EIF4G3: variants seen among roughly 807,000 people sequenced by gnomAD.
EIF4G3 encodes eukaryotic translation initiation factor 4 gamma 3.
Under a neutral mutation model 186.4 loss-of-function variants are expected in EIF4G3, and 34 were observed. The observed-to-expected ratio is 0.18, with a 90% CI of 0.14 to 0.24. The LOEUF (loss-of-function observed/expected upper bound fraction) is 0.24, where lower values mean the gene tolerates loss of function less well. Among genes scored for constraint, EIF4G3 ranks in the 10% least tolerant of loss-of-function variants. The pLI, the probability that EIF4G3 is intolerant of heterozygous loss-of-function variation, is 1.00. For missense variants in EIF4G3, 1,536 were observed against 1,948.5 expected (o/e 0.79, Z 3.99); for synonymous variants, 673 against 679.5 (o/e 0.99, Z 0.15).
intron 14 of EIF4G3, among the ~76,000 whole-genome samples, chr1:20,923,815 A>G (rs1273681077): frequency 6.7e-6 from 1 of 148,216 alleles, no homozygotes; most frequent in South Asian, 2.1e-4. Flanking sequence ...ATCCCTATAT[A>G]TATATATATA....
At chr1:20,962,926 T>G (rs74659896) in intron 12 of EIF4G3, among the ~76,000 whole-genome samples, 4,924 of 150,988 alleles carry the variant, frequency 0.033, 279 homozygotes, top group African/African-American at 0.11. Flanking sequence ...TTTGTTTTTT[T>G]TTTTTTTGAG....
At chr1:21,062,598 C>T (rs1026689367) in intron 3 of EIF4G3, among the ~76,000 whole-genome samples, 1 of 151,946 alleles carries the variant, frequency 6.6e-6, no homozygotes, top group East Asian at 1.9e-4. Flanking sequence ...TATAGATATA[C>T]CTATTTTTTT....
chr1:21,117,117 G>A lies in EIF4G3; in HGVS notation c.-271-27904C>T, dbSNP rs1026699903. On this transcript the variant is annotated intron_variant, in intron 2 of 36. Coordinates refer to ENST00000602326, the MANE Select transcript of EIF4G3 (RefSeq NM_001391906.1). The stretch of plus-strand genomic sequence containing the variant: ...AATGGTTAACTTCTATACAAGAAAG[G>A]TGAAGGACAAAGACAATACTAACAA... 2.6e-5 allele frequency among the ~76,000 whole-genome samples: 4 copies of A among 152,014 alleles called. No individual in the cohort carries two copies. In the South Asian group the frequency reaches 8.3e-4, roughly 32 times the overall value.
intron 3 of EIF4G3, among the ~76,000 whole-genome samples, chr1:21,084,257 A>T (rs1457383900): frequency 6.6e-6 from 1 of 151,996 alleles, no homozygotes; most frequent in Non-Finnish European, 1.5e-5. Context: ...AGAAAGAAAA[A>T]AAAGAGGTTT....
At chr1:20,951,085 T>C (rs1487083424) in intron 12 of EIF4G3, among the ~76,000 whole-genome samples, 1 of 151,816 alleles carries the variant, frequency 6.6e-6, no homozygotes, top group Non-Finnish European at 1.5e-5. Flanking sequence ...TTTTTTTTTC[T>C]GGGGAGTAGG....
Position 20,813,210 on chromosome 1 carries a change from T to C in EIF4G3, c.4545A>G (p.Ser1515=), listed in dbSNP as rs768352107. ...EANLDEIQMS[S]PTFLRALMTA... is the part of the protein sequence containing the mutation. Reference sequence around the variant, plus strand: ...TCATTAAAGCTCTAAGGAATGTAGGTGAACTCATCTGGATTTCGTCTAGAT... The same window carrying C: ...TCATTAAAGCTCTAAGGAATGTAGGCGAACTCATCTGGATTTCGTCTAGAT... The change falls in exon 35 of 37, where the codon TCA becomes TCG. Residue 1515 remains serine (S), a synonymous_variant. Transcript: ENST00000602326. 6.8e-6 allele frequency: 11 copies of C among 1,613,678 alleles called. No homozygotes were observed. The East Asian group carries it at 1.6e-4, about 23-fold the overall frequency.
intron 7 of EIF4G3, among the ~76,000 whole-genome samples, chr1:20,989,984 C>T (rs1362519226): frequency 6.6e-5 from 10 of 152,100 alleles, no homozygotes; most frequent in Admixed American, 6.5e-4. Context: ...TAAGACCACT[C>T]TGGCCAATAT....
At chr1:21,110,149 A>AT (rs1438184706) in intron 2 of EIF4G3, among the ~76,000 whole-genome samples, 4 of 152,196 alleles carry the variant, frequency 2.6e-5, no homozygotes, top group Admixed American at 2.0e-4. Flanking sequence ...AATCATAAGG[A>AT]TAACTTCTAT....
At chr1:21,055,956 C>T (rs1255096721) in intron 3 of EIF4G3, among the ~76,000 whole-genome samples, 6 of 152,112 alleles carry the variant, frequency 3.9e-5, no homozygotes, top group African/African-American at 1.4e-4. Context: ...AATTATTACA[C>T]ATAAAATTAG....
At chr1:20,824,090 A>G (rs1416807300) in intron 33 of EIF4G3, among the ~76,000 whole-genome samples, 2 of 152,224 alleles carry the variant, frequency 1.3e-5, no homozygotes, top group Non-Finnish European at 2.9e-5. Context: ...TGCCCTTCAC[A>G]TGTAATTACT....
chr1:21,016,594 G>A (rs2089142395), intron 4 of EIF4G3, among the ~76,000 whole-genome samples: 1 of 152,116 alleles, frequency 6.6e-6, no homozygotes, highest in African/African-American at 2.4e-5. Context: ...TGAAGGTCAA[G>A]GCTACAGTGA....
At chr1:20,814,756 TCCC>T (rs771917267) in intron 34 of EIF4G3, among the ~76,000 whole-genome samples, 1 of 23,656 alleles carries the variant, frequency 4.2e-5, no homozygotes, top group African/African-American at 1.8e-4. Flanking sequence ...CATCTCCCCC[TCCC>T]CCTCCCCCTC....
intron 12 of EIF4G3, 32 bp from the exon 13 acceptor site, chr1:20,950,143 T>C: frequency 1.3e-6 from 2 of 1,510,906 alleles, no homozygotes; most frequent in Non-Finnish European, 1.8e-6. Flanking sequence ...AGGGTGATAA[T>C]GAGCGTGCGA....
intron 2 of EIF4G3, among the ~76,000 whole-genome samples, chr1:21,125,767 TATATAC>T (rs1558079229): frequency 3.3e-5 from 4 of 120,768 alleles, no homozygotes; most frequent in African/African-American, 1.3e-4. Context: ...TTTTTATATA[TATATAC>T]ACACACACAC....
chr1:21,173,137 C>CAAAAAAAA (rs1193601902), intron 2 of EIF4G3, among the ~76,000 whole-genome samples: 2 of 29,186 alleles, frequency 6.9e-5, no homozygotes, highest in African/African-American at 1.1e-4. Flanking sequence ...GACTCAATCT[C>CAAAAAAAA]AAAAAAAAAA....
At position 21,100,240 on chromosome 1, in the gene EIF4G3, C is replaced by G. The variant is rs1458301718; in HGVS notation, c.-271-11027G>C. On this transcript the variant is annotated intron_variant, in intron 2 of 36. Coordinates refer to ENST00000602326, the MANE Select transcript of EIF4G3 (RefSeq NM_001391906.1). ...GGAAGGAGGGTGACTGCTAAAGGAT[C>G]CTGGGTTTCTTTTTGAGATAAACCA... is the stretch of plus-strand genomic sequence containing the variant. 2.0e-5 allele frequency among the ~76,000 whole-genome samples: 3 copies of G among 152,012 alleles called. No homozygotes were observed. In the East Asian group the frequency reaches 5.8e-4, roughly 29 times the overall value.
At chr1:21,158,711 G>T (rs945845644) in intron 2 of EIF4G3, among the ~76,000 whole-genome samples, 1 of 151,028 alleles carries the variant, frequency 6.6e-6, no homozygotes, top group African/African-American at 2.4e-5. Flanking sequence ...GAGTCCAACG[G>T]TGAGTATACA....
intron 4 of EIF4G3, among the ~76,000 whole-genome samples, chr1:21,023,323 A>C (rs1231611244): frequency 7.2e-6 from 1 of 139,818 alleles, no homozygotes; most frequent in Non-Finnish European, 1.5e-5. Context: ...TGCGGAGCCA[A>C]AGCTGGACTG....
intron 4 of EIF4G3, among the ~76,000 whole-genome samples, chr1:21,032,732 A>G (rs559178517): frequency 1.8e-4 from 28 of 152,276 alleles, no homozygotes; most frequent in Admixed American, 7.2e-4. Context: ...GTCATGTGTA[A>G]TTTCTTCTGC....
Sources: allele counts gnomAD v4.1 joint callset (sites outside exome capture counted in the v4.1 genomes callset), GRCh38; gene constraint gnomAD v4.1.1; transcripts MANE v1.5; gene names NCBI Gene and HGNC (gene_info 2026-07-23, HGNC 2026-07-21).